SCG5: variants seen among roughly 807,000 people sequenced by gnomAD.
SCG5 encodes the protein secretogranin V.
SCG5 carries 18 observed loss-of-function variants against 25.7 expected under a neutral mutation model. That is an observed-to-expected ratio of 0.70 (90% CI 0.48 to 1.04). The LOEUF is 1.04. Among genes scored for constraint, SCG5 ranks in the 50% least tolerant of loss-of-function variants. SCG5 has a pLI of 0.00. For synonymous variants in SCG5, 101 were observed against 91.7 expected (o/e 1.10, Z -0.58); for missense variants, 206 against 259.8 (o/e 0.79, Z 1.42).
At position 32,653,372 on chromosome 15, in the gene SCG5, T is replaced by C. The variant is rs77529410; in HGVS notation, c.226+9554T>C. ...AAGTTTGCTGTATGGCAACTACTAATTGCTCTGCCAGTTGTCTGACTGTAG... is the reference window on the plus strand; with the variant it reads ...AAGTTTGCTGTATGGCAACTACTAACTGCTCTGCCAGTTGTCTGACTGTAG... On this transcript the variant is annotated intron_variant, in intron 2 of 5. Coordinates refer to ENST00000300175, the MANE Select transcript of SCG5 (RefSeq NM_001144757.3). Among the ~76,000 whole-genome samples the C allele has an allele frequency of 4.1e-3, 627 of 152,370 alleles. 7 individuals carry two copies. Among genetic ancestry groups the C allele is most frequent in the African/African-American group, 0.015 (608 of 41,594 alleles).
At chr15:32,643,544 C>T (rs1486473796) in intron 1 of SCG5, 42 bp from the exon 2 acceptor site, 9 of 1,453,922 alleles carry the variant, frequency 6.2e-6, no homozygotes, top group East Asian at 4.6e-5. Flanking sequence ...TCACAATTGC[C>T]GATTGTAGCC....
chr15:32,660,728 C>T (rs907156050), intron 2 of SCG5, among the ~76,000 whole-genome samples: 2 of 152,198 alleles, frequency 1.3e-5, no homozygotes, highest in Non-Finnish European at 2.9e-5. Context: ...AGGGCAGACC[C>T]CAAAAGGAGA....
chr15:32,677,052 AC>A (rs1279493234), intron 2 of SCG5, among the ~76,000 whole-genome samples: 2 of 152,306 alleles, frequency 1.3e-5, no homozygotes, highest in East Asian at 3.9e-4. Flanking sequence ...TATATAAAAT[AC>A]CTTATATTAC....
intron 2 of SCG5, among the ~76,000 whole-genome samples, chr15:32,658,504 A>G (rs2054162340): frequency 6.6e-6 from 1 of 152,192 alleles, no homozygotes; most frequent in South Asian, 2.1e-4. Flanking sequence ...GAGGGTGGTT[A>G]TGGGGAAGGG....
chr15:32,690,442 G>C (rs533449308), intron 4 of SCG5, among the ~76,000 whole-genome samples: 9 of 152,322 alleles, frequency 5.9e-5, no homozygotes, highest in Admixed American at 4.6e-4. Flanking sequence ...GAGCCTCACA[G>C]CAATATCCTC....
intron 2 of SCG5, among the ~76,000 whole-genome samples, chr15:32,658,972 T>C (rs1031610415): frequency 6.6e-5 from 10 of 152,036 alleles, no homozygotes; most frequent in African/African-American, 9.7e-5. Context: ...GTCAGGAGAT[T>C]GAGACCATCC....
chr15:32,694,845 A>C (rs1189940168), intron 5 of SCG5, among the ~76,000 whole-genome samples: 2 of 152,204 alleles, frequency 1.3e-5, no homozygotes, highest in Non-Finnish European at 2.9e-5. Flanking sequence ...TGCTAAACTC[A>C]GGTTTCATTC....
In SCG5 at chr15:32,655,755, G is replaced by A. The variant is rs186454720; in HGVS notation, c.226+11937G>A. On this transcript the variant is annotated intron_variant, in intron 2 of 5. Transcript: ENST00000300175. ...CTCATTTGCCCTTTCCACCGTGGGA[G>A]AACACAGGAGACGGAGCCACTGTGA... Among the ~76,000 whole-genome samples, 328 of 152,314 alleles carry A rather than the reference G, an allele frequency of 2.2e-3. 3 individuals carry two copies. The highest frequency in any genetic ancestry group is 8.3e-3 in the South Asian group (40 of 4,824).
At chr15:32,674,012 C>A (rs988087904) in intron 2 of SCG5, among the ~76,000 whole-genome samples, 3 of 152,188 alleles carry the variant, frequency 2.0e-5, no homozygotes, top group African/African-American at 7.2e-5. Context: ...AGCCACCGCA[C>A]CCGGCCCATT....
intron 5 of SCG5, among the ~76,000 whole-genome samples, chr15:32,692,903 T>G (rs1476425176): frequency 6.6e-6 from 1 of 152,176 alleles, no homozygotes; most frequent in Non-Finnish European, 1.5e-5. Context: ...AGCAATTTTC[T>G]ACGCGAGAAG....
intron 2 of SCG5, among the ~76,000 whole-genome samples, chr15:32,674,373 T>C (rs1261778352): frequency 2.6e-5 from 4 of 152,088 alleles, no homozygotes; most frequent in Non-Finnish European, 5.9e-5. Context: ...AGATAAAATA[T>C]GATAACAGAG....
intron 2 of SCG5, chr15:32,666,213 G>A (rs917202050): frequency 2.0e-5 from 3 of 152,162 alleles, no homozygotes; most frequent in East Asian, 1.9e-4. Flanking sequence ...GCATACATAC[G>A]TAGGGATATG....
rs112050966 is a variant in SCG5 at position 32,663,031 on chromosome 15, G to T, written c.227-16735G>T. Reference sequence around the variant, plus strand: ...GAAGATTAGGGCTGTTAAAAAAAAAGAATATATATATATATATATATATAT... The same window carrying T: ...GAAGATTAGGGCTGTTAAAAAAAAATAATATATATATATATATATATATAT... On this transcript the variant is annotated intron_variant, in intron 2 of 5. Coordinates refer to ENST00000300175, the MANE Select transcript of SCG5 (RefSeq NM_001144757.3). Among the ~76,000 whole-genome samples the T allele has an allele frequency of 3.3e-4, 15 of 44,808 alleles. 3 individuals are homozygous for T. The East Asian group carries it at 8.7e-3, about 26-fold the overall frequency. 29.4% of individuals were successfully genotyped at this position (44,808 alleles called of 152,430 possible).
intron 3 of SCG5, among the ~76,000 whole-genome samples, chr15:32,681,803 A>C (rs2054625590): frequency 6.6e-6 from 1 of 151,946 alleles, no homozygotes. Flanking sequence ...TCTTAAACAC[A>C]ATGCAGGCTG....
chr15:32,684,588 C>T lies in SCG5; in HGVS notation c.408C>T (p.Asp136=). The change falls in exon 4 of 6, where the codon GAC becomes GAT. Residue 136 remains aspartate (D), a synonymous_variant. Coordinates refer to ENST00000300175, the MANE Select transcript of SCG5 (RefSeq NM_001144757.3). ...ADDGCLENTP[D]TAEFSREFQL... ...ATGGATGTCTAGAAAACACCCCTGA[C>T]ACTGCAGAGTTCAGTCGAGAGTTCC... is the stretch of plus-strand genomic sequence containing the variant. 6.2e-7 allele frequency: 1 copy of T among 1,613,542 alleles called. No homozygotes were observed. The highest frequency in any genetic ancestry group is 8.5e-7 in the Non-Finnish European group (1 of 1,179,620).
At chr15:32,675,753 G>A (rs1183515666) in intron 2 of SCG5, among the ~76,000 whole-genome samples, 1 of 152,178 alleles carries the variant, frequency 6.6e-6, no homozygotes, top group Non-Finnish European at 1.5e-5. Flanking sequence ...TACATTATCA[G>A]TGCATTACAA....
intron 4 of SCG5, among the ~76,000 whole-genome samples, chr15:32,689,696 C>T (rs769734613): frequency 2.0e-5 from 3 of 152,176 alleles, no homozygotes; most frequent in Non-Finnish European, 2.9e-5. Context: ...GCCTTCAAGT[C>T]CATACAATAA....
At chr15:32,665,890 T>C (rs1191518884) in intron 2 of SCG5, 1 of 152,222 alleles carries the variant, frequency 6.6e-6, no homozygotes, top group Non-Finnish European at 1.5e-5. Context: ...TCTTCCCTGG[T>C]AATTTCAAAA....
intron 2 of SCG5, among the ~76,000 whole-genome samples, chr15:32,679,555 C>G (rs2054580726): frequency 6.6e-6 from 1 of 152,158 alleles, no homozygotes; most frequent in South Asian, 2.1e-4. Flanking sequence ...GGATAATATA[C>G]AGTTTGCCTT....
Sources: gnomAD v4.1 joint callset for allele counts (sites outside exome capture counted in the v4.1 genomes callset) on GRCh38, gnomAD v4.1.1 for gene constraint, MANE v1.5 for transcripts, NCBI Gene and HGNC (gene_info 2026-07-23, HGNC 2026-07-21) for gene names.